SNAP91: variants seen among roughly 807,000 people sequenced by gnomAD.
The protein encoded by SNAP91 is clathrin coat assembly protein AP180.
In SNAP91, 27 loss-of-function variants were observed where a neutral mutation model predicts 100.3. That is an observed-to-expected ratio of 0.27 (90% CI 0.20 to 0.37). The LOEUF is 0.37. Among genes scored for constraint, SNAP91 ranks in the 10% least tolerant of loss-of-function variants. SNAP91 has a pLI of 1.00. For missense variants in SNAP91, 986 were observed against 1,123.7 expected, an observed-to-expected ratio of 0.88 and a Z score of 1.75; for synonymous variants, 404 against 398.6, an observed-to-expected ratio of 1.01 and a Z score of -0.16.
At chr6:83,658,933 G>T in intron 6 of SNAP91, 66 bp downstream of exon 6, 2 of 1,203,156 alleles carry the variant, frequency 1.7e-6, no homozygotes, top group Non-Finnish European at 2.4e-6. Context: ...GGATTTACCT[G>T]TAGCCCATCT....
At chr6:83,573,237 C>T (rs1395753372) in intron 26 of SNAP91, among the ~76,000 whole-genome samples, 1 of 152,158 alleles carries the variant, frequency 6.6e-6, no homozygotes, top group Non-Finnish European at 1.5e-5. Context: ...AGGAATCCAA[C>T]TTACAAGGGA....
intron 22 of SNAP91, among the ~76,000 whole-genome samples, chr6:83,587,842 C>T (rs992329956): frequency 2.6e-5 from 4 of 152,014 alleles, no homozygotes; most frequent in African/African-American, 4.8e-5. Context: ...CCATGATGTT[C>T]TTTAGTGAGA....
intron 22 of SNAP91, among the ~76,000 whole-genome samples, chr6:83,585,943 T>G (rs1252602057): frequency 6.6e-6 from 1 of 151,582 alleles, no homozygotes; most frequent in Admixed American, 6.6e-5. Context: ...CTCTGCCTCC[T>G]GGGTTCAAGC....
At chr6:83,608,258 T>A (rs1352731639) in intron 12 of SNAP91, among the ~76,000 whole-genome samples, 1 of 152,098 alleles carries the variant, frequency 6.6e-6, no homozygotes, top group East Asian at 1.9e-4. Flanking sequence ...AATCCAGAAA[T>A]CTAACTTGCA....
At chr6:83,682,860 T>TA (rs1331554829) in intron 2 of SNAP91, among the ~76,000 whole-genome samples, 7 of 151,788 alleles carry the variant, frequency 4.6e-5, no homozygotes, top group African/African-American at 1.7e-4. Context: ...ATCCCTCTCT[T>TA]ATGCCTGTAT....
rs142142476 is a variant in SNAP91 at position 83,675,440 on chromosome 6, C to T, written c.131-9859G>A. 2.7e-3 allele frequency among the ~76,000 whole-genome samples: 404 copies of T among 152,018 alleles called. 1 individual carries two copies. The highest frequency in any genetic ancestry group is 3.6e-3 in the Non-Finnish European group (244 of 67,984). ...TTCTTCATTAACATGTGAACTTTAA[C>T]GTAATCTAGTTTCTAAACTATTTCA... On this transcript the variant is annotated intron_variant, in intron 2 of 29. Transcript: ENST00000369694.
intron 7 of SNAP91, among the ~76,000 whole-genome samples, chr6:83,647,773 G>C (rs987142014): frequency 6.6e-6 from 1 of 152,040 alleles, no homozygotes; most frequent in African/African-American, 2.4e-5. Context: ...CACAAGCAAG[G>C]TACATGTCAG....
chr6:83,575,937 T>C (rs1817974902), intron 25 of SNAP91, 86 bp downstream of exon 25: 2 of 702,210 alleles, frequency 2.8e-6, no homozygotes, highest in Non-Finnish European at 2.4e-6. Context: ...GAATGAATAA[T>C]TACTCCAATG....
At chr6:83,575,470 T>G (rs890406778) in intron 25 of SNAP91, 5 of 270,926 alleles carry the variant, frequency 1.8e-5, no homozygotes, top group African/African-American at 9.3e-5. Context: ...TTTTGTTGAA[T>G]TTAAGATGCA....
At chr6:83,588,223 T>C (rs1286190882) in intron 22 of SNAP91, among the ~76,000 whole-genome samples, 2 of 152,196 alleles carry the variant, frequency 1.3e-5, no homozygotes, top group Non-Finnish European at 2.9e-5. Flanking sequence ...AGAACTGTTT[T>C]GAAAGCAAAT....
At chr6:83,594,150 C>T (rs2128209527) in intron 17 of SNAP91, among the ~76,000 whole-genome samples, 1 of 152,190 alleles carries the variant, frequency 6.6e-6, no homozygotes, top group East Asian at 1.9e-4. Context: ...AGACAGCATA[C>T]TTGCACTGAC....
In SNAP91 at chr6:83,656,620, C is replaced by A. The variant is rs532768958; in HGVS notation, c.658+134G>T. ...CATATCGTTCTGCCAGTACCACCAT[C>A]TGTGGACTTACTCACTATCATGATA... On this transcript the variant is annotated intron_variant, in intron 7 of 29. Transcript: ENST00000369694. The A allele has an allele frequency of 5.2e-5, 28 of 538,288 alleles. No individual in the cohort carries two copies. The Admixed American group carries it at 9.6e-4, about 18-fold the overall frequency. The allele number at this position is 538,288 out of a possible 1,614,324, so 33.3% of individuals were successfully genotyped here.
At chr6:83,554,840 T>C (rs921235855) in intron 29 of SNAP91, among the ~76,000 whole-genome samples, 2 of 152,124 alleles carry the variant, frequency 1.3e-5, no homozygotes, top group African/African-American at 2.4e-5. Context: ...GCTGGAAACA[T>C]TTGTGGGGTC....
intron 2 of SNAP91, among the ~76,000 whole-genome samples, chr6:83,677,624 CTTG>C (rs1000915201): frequency 6.6e-6 from 1 of 152,128 alleles, no homozygotes; most frequent in African/African-American, 2.4e-5. Flanking sequence ...TTGTGCACAG[CTTG>C]TTGTGGCATT....
intron 17 of SNAP91, 133 bp downstream of exon 17, chr6:83,594,241 T>C: frequency 2.9e-6 from 2 of 685,454 alleles, no homozygotes; most frequent in Non-Finnish European, 5.0e-6. Context: ...CTGGCATTAT[T>C]TATTTAGTTA....
intron 24 of SNAP91, among the ~76,000 whole-genome samples, chr6:83,578,903 A>AT (rs894278542): frequency 2.2e-4 from 33 of 150,848 alleles, no homozygotes; most frequent in Non-Finnish European, 2.5e-4. Context: ...CTTTGAATTA[A>AT]TTTTTTTTTG....
chr6:83,648,818 T>C (rs1296140757), intron 7 of SNAP91, among the ~76,000 whole-genome samples: 1 of 152,222 alleles, frequency 6.6e-6, no homozygotes, highest in African/African-American at 2.4e-5. Flanking sequence ...TCTTCATTAC[T>C]GAGTTCTTTT....
At chr6:83,609,537 C>G (rs2095856135) in intron 12 of SNAP91, among the ~76,000 whole-genome samples, 1 of 152,122 alleles carries the variant, frequency 6.6e-6, no homozygotes, top group Non-Finnish European at 1.5e-5. Flanking sequence ...TAATGATATC[C>G]TTGAATATCT....
intron 11 of SNAP91, among the ~76,000 whole-genome samples, chr6:83,612,049 A>C (rs1459189171): frequency 1.3e-5 from 2 of 151,804 alleles, no homozygotes; most frequent in African/African-American, 4.8e-5. Flanking sequence ...GTTCAACTTC[A>C]TTTGCAAATA....
Sources: allele counts gnomAD v4.1 joint callset (sites outside exome capture counted in the v4.1 genomes callset), GRCh38; gene constraint gnomAD v4.1.1; transcripts MANE v1.5; gene names NCBI Gene and HGNC (gene_info 2026-07-23, HGNC 2026-07-21).